Variants in KCTD5 observed in about 807,000 individuals in gnomAD.
KCTD5 encodes BTB/POZ domain-containing protein KCTD5.
KCTD5 carries 12 observed loss-of-function variants against 27.9 expected under a neutral mutation model. The observed-to-expected ratio is 0.43, with a 90% CI of 0.28 to 0.70. The LOEUF (loss-of-function observed/expected upper bound fraction) is 0.70, where lower values mean the gene tolerates loss of function less well. Ranked by LOEUF, KCTD5 falls within the 30% of genes least tolerant of loss-of-function variation. KCTD5 has a pLI of 0.19. For synonymous variants in KCTD5, 147 were observed against 121.4 expected (o/e 1.21, Z -1.39); for missense variants, 226 against 274.8 (o/e 0.82, Z 1.26).
intron 1 of KCTD5, among the ~76,000 whole-genome samples, chr16:2,691,726 C>T (rs1451679943): frequency 1.3e-5 from 2 of 152,164 alleles, no homozygotes; most frequent in Non-Finnish European, 2.9e-5. Flanking sequence ...GTTCTCTGCT[C>T]CTCTGCCCTG....
intron 3 of KCTD5, chr16:2,699,148 T>C: frequency 2.2e-6 from 1 of 456,118 alleles, no homozygotes; most frequent in Non-Finnish European, 4.4e-6. Flanking sequence ...CTGCTGCGTT[T>C]CCGTCCAGCC....
chr16:2,687,185 C>G lies in KCTD5; in HGVS notation c.252+4385C>G, dbSNP rs182258555. The stretch of plus-strand genomic sequence containing the variant: ...CTGAAGCCCTTTAGACCTTAGGCCA[C>G]GAGTCAGTTCCATAAATTCCTGAGA... On this transcript the variant is annotated intron_variant, in intron 1 of 5. Coordinates refer to ENST00000301738, the MANE Select transcript of KCTD5 (RefSeq NM_018992.4). Among the ~76,000 whole-genome samples the G allele has an allele frequency of 3.9e-5, 6 of 152,254 alleles. No homozygotes were observed. In the East Asian group the frequency reaches 1.2e-3, roughly 29 times the overall value.
At chr16:2,687,595 T>C (rs1007395698) in intron 1 of KCTD5, among the ~76,000 whole-genome samples, 3 of 152,242 alleles carry the variant, frequency 2.0e-5, no homozygotes, top group African/African-American at 7.2e-5. Flanking sequence ...CTCTGAAAGG[T>C]CACGGAGTGA....
In KCTD5 at chr16:2,698,003, A is replaced by G. The variant is rs1443931252; in HGVS notation, c.453+6A>G. ...GAGACAGCAAAACATCGCAGGTGAG[A>G]CAAATGACTGAGGCTGGAAGCTTGT... On this transcript the variant is annotated splice_donor_region_variant and intron_variant, in intron 3 of 5. Coordinates refer to ENST00000301738, the MANE Select transcript of KCTD5 (RefSeq NM_018992.4). 1.3e-6 allele frequency: 2 copies of G among 1,598,118 alleles called. No individual in the cohort carries two copies. The highest frequency in any genetic ancestry group is 2.7e-5 in the African/African-American group (2 of 74,622).
intron 4 of KCTD5, among the ~76,000 whole-genome samples, chr16:2,701,922 G>A (rs1015316283): frequency 1.3e-5 from 2 of 152,078 alleles, no homozygotes; most frequent in African/African-American, 4.8e-5. Flanking sequence ...CGCCCTGGCC[G>A]AACTCCTGGA....
intron 3 of KCTD5, among the ~76,000 whole-genome samples, chr16:2,698,721 G>C (rs973059780): frequency 1.3e-5 from 2 of 152,170 alleles, no homozygotes; most frequent in African/African-American, 4.8e-5. Context: ...GACGCTCCTA[G>C]CCTGGCCGCT....
At chr16:2,688,243 A>ATATATT (rs1282831421) in intron 1 of KCTD5, among the ~76,000 whole-genome samples, 27 of 64,246 alleles carry the variant, frequency 4.2e-4, no homozygotes, top group African/African-American at 1.3e-3. Context: ...ATATATATAT[A>ATATATT]TATTTATTTA....
intron 2 of KCTD5, among the ~76,000 whole-genome samples, chr16:2,696,652 G>C (rs1409338846): frequency 6.6e-6 from 1 of 152,194 alleles, no homozygotes; most frequent in African/African-American, 2.4e-5. Context: ...GGGCACCTGC[G>C]TGCGGGCGTG....
At chr16:2,691,626 C>T (rs1021132943) in intron 1 of KCTD5, among the ~76,000 whole-genome samples, 3 of 152,078 alleles carry the variant, frequency 2.0e-5, no homozygotes, top group Admixed American at 6.5e-5. Flanking sequence ...TGTACTGTGG[C>T]GGGGGCCCCA....
intron 1 of KCTD5, among the ~76,000 whole-genome samples, chr16:2,686,873 C>T (rs1255558982): frequency 1.3e-5 from 2 of 151,988 alleles, no homozygotes; most frequent in East Asian, 1.9e-4. Flanking sequence ...GTGGGGATCA[C>T]GTCTAGTGGA....
At chr16:2,696,704 T>C (rs1302758442) in intron 2 of KCTD5, among the ~76,000 whole-genome samples, 1 of 152,192 alleles carries the variant, frequency 6.6e-6, no homozygotes, top group Admixed American at 6.5e-5. Flanking sequence ...CGGTCTGCAC[T>C]GGGCAGCGTC....
intron 4 of KCTD5, among the ~76,000 whole-genome samples, 188 bp downstream of exon 4, chr16:2,700,104 G>A (rs541468143): frequency 1.3e-5 from 2 of 152,172 alleles, no homozygotes; most frequent in Admixed American, 6.5e-5. Context: ...CGGGTGGGGT[G>A]GGCAGAGGTG....
intron 5 of KCTD5, among the ~76,000 whole-genome samples, chr16:2,705,845 C>T (rs966275324): frequency 4.6e-5 from 7 of 152,180 alleles, no homozygotes; most frequent in Admixed American, 6.5e-5. Flanking sequence ...CTTGGGAGGG[C>T]GAAGGACAGC....
At chr16:2,699,529 C>T (rs3112727) in intron 3 of KCTD5, among the ~76,000 whole-genome samples, 41,627 of 152,190 alleles carry the variant, frequency 0.27, 6,483 homozygotes, top group Non-Finnish European at 0.34. Flanking sequence ...TGGACGCTCT[C>T]GTGTCGTCAT....
At chr16:2,701,065 C>T (rs931259885) in intron 4 of KCTD5, among the ~76,000 whole-genome samples, 7 of 152,166 alleles carry the variant, frequency 4.6e-5, no homozygotes, top group Non-Finnish European at 7.4e-5. Flanking sequence ...GCTCGGGGTC[C>T]GCGAACAGGG....
In KCTD5 at chr16:2,708,331, T is replaced by A. The variant is rs2067646731; in HGVS notation, c.*1004T>A. ...CCTCTCTTTCTGGGATGTTTGGGAC[T>A]TCACTCGACCTGCACGGGCTCTGCC... On this transcript the variant is annotated 3_prime_UTR_variant, in exon 6 of 6. Transcript: ENST00000301738. 6.5e-6 allele frequency: 1 copy of A among 152,690 alleles called. No individual in the cohort carries two copies. The highest frequency in any genetic ancestry group is 1.5e-5 in the Non-Finnish European group (1 of 68,068). The allele number at this position is 152,690 out of a possible 1,614,324, so 9.5% of individuals were successfully genotyped here. A position where few individuals can be genotyped will look rare whatever the true frequency, so the allele number is the denominator to read the frequency against.
At chr16:2,703,866 G>A (rs73494261) in intron 5 of KCTD5, among the ~76,000 whole-genome samples, 3,161 of 152,258 alleles carry the variant, frequency 0.021, 124 homozygotes, top group African/African-American at 0.071. Context: ...TTTGAGTCTC[G>A]GATCTAGGAG....
chr16:2,706,904 G>A (rs963381988), intron 5 of KCTD5, among the ~76,000 whole-genome samples: 2 of 151,766 alleles, frequency 1.3e-5, no homozygotes, highest in Admixed American at 6.6e-5. Context: ...GGTGGGGGTG[G>A]GGGCTGCAGT....
intron 3 of KCTD5, among the ~76,000 whole-genome samples, chr16:2,698,637 T>C (rs1336443752): frequency 8.4e-6 from 1 of 119,148 alleles, no homozygotes; most frequent in Non-Finnish European, 1.7e-5. Flanking sequence ...GCACCAGGAG[T>C]GGGGTGTGTG....
Sources: allele counts gnomAD v4.1 joint callset (sites outside exome capture counted in the v4.1 genomes callset), GRCh38; gene constraint gnomAD v4.1.1; transcripts MANE v1.5; gene names NCBI Gene and HGNC (gene_info 2026-07-23, HGNC 2026-07-21).